Variants in RBM4 observed in about 807,000 individuals in gnomAD.
RBM4 encodes RNA binding motif protein 4.
Under a neutral mutation model 29.5 loss-of-function variants are expected in RBM4, and 7 were observed. The observed-to-expected ratio is 0.24, with a 90% CI of 0.14 to 0.45. RBM4 has a LOEUF of 0.45. RBM4 is among the 20% of genes least tolerant of loss of function. The pLI is 1.00. For synonymous variants in RBM4, 220 were observed against 205.4 expected (o/e 1.07, Z -0.61); for missense variants, 387 against 502.3 (o/e 0.77, Z 2.19).
downstream of RBM4, among the ~76,000 whole-genome samples, chr11:66,650,254 T>C (rs1025413627): frequency 2.6e-5 from 4 of 152,340 alleles, no homozygotes; most frequent in African/African-American, 9.6e-5. Context: ...TAACTTGATG[T>C]TAACCCTGTT....
Position 66,646,186 on chromosome 11 carries a change from C to T in RBM4, c.*168C>T. 6.7e-7 allele frequency: 1 copy of T among 1,483,942 alleles called. No individual in the cohort carries two copies. The highest frequency in any genetic ancestry group is 8.9e-7 in the Non-Finnish European group (1 of 1,118,186). 91.9% of individuals were successfully genotyped at this position (1,483,942 alleles called of 1,614,324 possible). On this transcript the variant is annotated 3_prime_UTR_variant, in exon 4 of 4. Coordinates refer to ENST00000310092, the MANE Select transcript of RBM4 (RefSeq NM_002896.4). ...CTAAGTTCAGACCTTCTCTTCCTTT[C>T]CTTTCCTTTCCTCTCCTGCCCATTT...
chr11:66,653,590 G>A (rs1204465897), intron 2 of RBM4, among the ~76,000 whole-genome samples: 1 of 152,040 alleles, frequency 6.6e-6, no homozygotes, highest in Non-Finnish European at 1.5e-5. Flanking sequence ...TCGAACTCTT[G>A]ACCTCAGGTG....
intron 1 of RBM4, chr11:66,638,967 C>G (rs1347350776): frequency 9.2e-5 from 14 of 152,176 alleles, no homozygotes. Context: ...CTGTCCCGCG[C>G]CCGACATGGC....
chr11:66,665,834 A>G (rs767967898), intron 2 of RBM4: 2 of 1,510,538 alleles, frequency 1.3e-6, no homozygotes, highest in Non-Finnish European at 1.8e-6. Context: ...TGATAAATAC[A>G]TCTTTCTTAT....
exon 3 of RBM4, chr11:66,666,123 G>A: frequency 1.3e-6 from 1 of 785,252 alleles, no homozygotes; most frequent in East Asian, 2.8e-5. Context: ...CACTGTCACA[G>A]AGTGAGAGCC....
exon 3 of RBM4, chr11:66,667,290 T>C (rs1939273148): frequency 6.6e-6 from 1 of 152,254 alleles, no homozygotes; most frequent in Non-Finnish European, 1.5e-5. Context: ...TTAGCACTTT[T>C]GGTACACATT....
Position 66,643,121 on chromosome 11 carries a change from C to G in RBM4, c.413-329C>G, listed in dbSNP as rs1938538411. Among the ~76,000 whole-genome samples the G allele has an allele frequency of 6.6e-6, 1 of 152,132 alleles. No homozygotes were observed. Among genetic ancestry groups the G allele is most frequent in the African/African-American group, 2.4e-5 (1 of 41,432 alleles). On this transcript the variant is annotated intron_variant, in intron 2 of 3. Coordinates refer to ENST00000310092, the MANE Select transcript of RBM4 (RefSeq NM_002896.4). The surrounding 1 kb of genome is among the most constrained non-coding windows in gnomAD (Gnocchi z 6.1). ...GAAAAGACTTGGGCACTGTTTCTTACTTTGACTTCTTTTGACTTTGAGCCG... is the reference window on the plus strand; with the variant it reads ...GAAAAGACTTGGGCACTGTTTCTTAGTTTGACTTCTTTTGACTTTGAGCCG...
At chr11:66,650,258 C>T (rs1454597667), downstream of RBM4, among the ~76,000 whole-genome samples, 1 of 152,194 alleles carries the variant, frequency 6.6e-6, no homozygotes, top group Non-Finnish European at 1.5e-5. Context: ...TTGATGTTAA[C>T]CCTGTTAACT....
downstream of RBM4, among the ~76,000 whole-genome samples, chr11:66,651,462 C>T (rs554197615): frequency 6.6e-6 from 1 of 152,148 alleles, no homozygotes; most frequent in East Asian, 1.9e-4. Flanking sequence ...ATTCTCCTGC[C>T]TCACCATCCA....
chr11:66,649,255 C>T (rs538092164), downstream of RBM4, among the ~76,000 whole-genome samples: 41 of 152,282 alleles, frequency 2.7e-4, 1 homozygote, highest in South Asian at 8.5e-3. Flanking sequence ...CCGCCTGCCT[C>T]CTAAATTGCT....
intron 2 of RBM4, among the ~76,000 whole-genome samples, chr11:66,660,597 T>C (rs1161969971): frequency 2.0e-5 from 3 of 151,326 alleles, no homozygotes; most frequent in African/African-American, 7.3e-5. Flanking sequence ...CTACCTCGGC[T>C]CCCAAAGTGC....
At chr11:66,642,183 C>G (rs1938496149) in intron 2 of RBM4, among the ~76,000 whole-genome samples, 1 of 152,192 alleles carries the variant, frequency 6.6e-6, no homozygotes, top group Non-Finnish European at 1.5e-5. Context: ...ATTGTGTTTT[C>G]TGGTCTCCCA....
At chr11:66,656,491 G>A (rs1938951194) in intron 2 of RBM4, among the ~76,000 whole-genome samples, 1 of 151,970 alleles carries the variant, frequency 6.6e-6, no homozygotes, top group Admixed American at 6.6e-5. Context: ...CAGTCAGACT[G>A]GTCTCGAACT....
intron 2 of RBM4, chr11:66,640,464 A>T (rs776127060): frequency 2.2e-6 from 1 of 462,306 alleles, no homozygotes; most frequent in Non-Finnish European, 3.8e-6. Flanking sequence ...AGAGTTCCTC[A>T]CTCTGAATTT....
At chr11:66,665,494 T>C in intron 2 of RBM4, 1 of 1,027,232 alleles carries the variant, frequency 9.7e-7, no homozygotes. Context: ...CATGAAGCAA[T>C]GGAAACATCC....
chr11:66,666,380 C>T, exon 3 of RBM4: 1 of 994,504 alleles, frequency 1.0e-6, no homozygotes, highest in Non-Finnish European at 1.2e-6. Flanking sequence ...TAGGGTGAGA[C>T]CCGAATTTGG....
intron 2 of RBM4, among the ~76,000 whole-genome samples, chr11:66,661,479 G>A (rs1385089868): frequency 6.6e-6 from 1 of 152,172 alleles, no homozygotes; most frequent in South Asian, 2.1e-4. Flanking sequence ...AGGGCCTAGT[G>A]TCTTTCTGTG....
intron 2 of RBM4, among the ~76,000 whole-genome samples, chr11:66,655,850 TA>T (rs1938939205): frequency 6.6e-6 from 1 of 152,192 alleles, no homozygotes; most frequent in Non-Finnish European, 1.5e-5. Context: ...TGTAGGTTTT[TA>T]AGCAGTGTCA....
intron 2 of RBM4, among the ~76,000 whole-genome samples, chr11:66,663,423 G>A (rs1939122653): frequency 6.6e-6 from 1 of 152,162 alleles, no homozygotes; most frequent in African/African-American, 2.4e-5. Context: ...GGAGTGCAGT[G>A]GCGTGATCTC....
Sources: gnomAD v4.1 joint callset for allele counts (sites outside exome capture counted in the v4.1 genomes callset) on GRCh38, gnomAD v4.1.1 for gene constraint, Gnocchi (gnomAD v3.1) non-coding constraint, MANE v1.5 for transcripts, NCBI Gene and HGNC (gene_info 2026-07-23, HGNC 2026-07-21) for gene names.